Variants in PAK2 observed in about 807,000 individuals in gnomAD.
PAK2 encodes the protein p21 (RAC1) activated kinase 2.
A neutral mutation model predicts 65.9 loss-of-function variants in PAK2; 21 were observed. The ratio of observed to expected loss-of-function variants is 0.32; its 90% CI spans 0.23 to 0.46. PAK2 has a LOEUF of 0.46. Ranked by LOEUF, PAK2 falls within the 20% of genes least tolerant of loss-of-function variation. PAK2 has a pLI of 1.00. For synonymous variants in PAK2, 204 were observed against 219.7 expected, an observed-to-expected ratio of 0.93 and a Z score of 0.63; for missense variants, 324 against 642.6, an observed-to-expected ratio of 0.50 and a Z score of 5.36.
intron 2 of PAK2, among the ~76,000 whole-genome samples, chr3:196,786,953 T>A (rs1361233726): frequency 2.6e-5 from 4 of 152,034 alleles, no homozygotes; most frequent in Non-Finnish European, 4.4e-5. Context: ...GCCTTCCAAG[T>A]AGTTGGGACT....
At position 196,829,259 on chromosome 3, in the gene PAK2, A is replaced by G. The variant is rs1192125840; in HGVS notation, c.*854A>G. On this transcript the variant is annotated 3_prime_UTR_variant, in exon 15 of 15. Coordinates refer to ENST00000327134, the MANE Select transcript of PAK2 (RefSeq NM_002577.4). ...ACCAAAGTGATTTGTTGTTGTTCCA[A>G]CCTGGGCTTTGTGACTTTGGTTAGT... 3.3e-5 allele frequency: 5 copies of G among 152,580 alleles called. No individual in the cohort carries two copies. Among genetic ancestry groups the G allele is most frequent in the Non-Finnish European group, 5.9e-5 (4 of 68,024 alleles). The allele number at this position is 152,580 out of a possible 1,614,324, so 9.5% of individuals were successfully genotyped here.
chr3:196,759,189 G>T (rs1713861615), intron 1 of PAK2, among the ~76,000 whole-genome samples: 1 of 152,136 alleles, frequency 6.6e-6, no homozygotes, highest in South Asian at 2.1e-4. Flanking sequence ...CACCATTGAA[G>T]TAGTCCCATT....
intron 5 of PAK2, among the ~76,000 whole-genome samples, chr3:196,806,234 C>T (rs564821254): frequency 8.6e-4 from 131 of 152,190 alleles, no homozygotes; most frequent in Non-Finnish European, 1.5e-3. Context: ...TTTTAAATGT[C>T]ACCAGATGTC....
At chr3:196,775,445 C>G (rs193034133) in intron 1 of PAK2, among the ~76,000 whole-genome samples, 4 of 151,930 alleles carry the variant, frequency 2.6e-5, no homozygotes, top group African/African-American at 9.7e-5. Flanking sequence ...TGCAGTGGTA[C>G]GATCTCGGCT....
intron 1 of PAK2, among the ~76,000 whole-genome samples, chr3:196,765,903 C>CTT (rs746435799): frequency 1.7e-3 from 240 of 140,486 alleles, no homozygotes; most frequent in African/African-American, 5.5e-3. Flanking sequence ...TTAGTATCTT[C>CTT]TTTTTTTTTT....
intron 1 of PAK2, among the ~76,000 whole-genome samples, chr3:196,764,896 G>A (rs1419251463): frequency 1.4e-5 from 2 of 142,684 alleles, no homozygotes; most frequent in African/African-American, 5.2e-5. Flanking sequence ...AGGCTGGAGT[G>A]CAGTGGTGCG....
intron 1 of PAK2, among the ~76,000 whole-genome samples, chr3:196,780,370 G>A (rs1321501980): frequency 6.6e-6 from 1 of 152,252 alleles, no homozygotes; most frequent in Non-Finnish European, 1.5e-5. Flanking sequence ...GGCTGGGGAA[G>A]CCTCACAATC....
intron 1 of PAK2, among the ~76,000 whole-genome samples, chr3:196,746,304 G>T: frequency 6.6e-6 from 1 of 152,096 alleles, no homozygotes; most frequent in South Asian, 2.1e-4. Flanking sequence ...CAAAAAATAG[G>T]AATGGCTTCT....
chr3:196,772,234 C>T (rs529665703), intron 1 of PAK2, among the ~76,000 whole-genome samples: 31 of 152,156 alleles, frequency 2.0e-4, no homozygotes, highest in Admixed American at 1.2e-3. Context: ...GTGGGAGGGA[C>T]GCCTGTTAAT....
intron 2 of PAK2, among the ~76,000 whole-genome samples, chr3:196,784,732 G>GTA (rs1271389806): frequency 2.0e-5 from 3 of 150,110 alleles, no homozygotes; most frequent in African/African-American, 7.4e-5. Context: ...AGTCATTTGG[G>GTA]TATATACCCA....
At chr3:196,788,870 G>A (rs1714978996) in intron 2 of PAK2, among the ~76,000 whole-genome samples, 1 of 152,184 alleles carries the variant, frequency 6.6e-6, no homozygotes, top group Admixed American at 6.5e-5. Flanking sequence ...GAGAGGGAAG[G>A]ACAGAGAATT....
chr3:196,819,022 A>G (rs1711565054), intron 12 of PAK2, among the ~76,000 whole-genome samples: 2 of 152,240 alleles, frequency 1.3e-5, no homozygotes, highest in African/African-American at 4.8e-5. Context: ...TTCTGAACTT[A>G]CATACCGCAG....
At position 196,812,720 on chromosome 3, in the gene PAK2, A is replaced by T. The variant is rs773609663; in HGVS notation, c.823-19A>T. On this transcript the variant is annotated intron_variant, in intron 9 of 14. Transcript: ENST00000327134. The stretch of plus-strand genomic sequence containing the variant: ...AGAATTCCTAAACCTGGTTTTTTTC[A>T]ATCCTGTTTTCATTATAGGTTGCTA... 4 of 1,112,114 alleles carry T rather than the reference A, an allele frequency of 3.6e-6. No individual in the cohort carries two copies. Among genetic ancestry groups the T allele is most frequent in the Admixed American group, 3.9e-5 (2 of 51,064 alleles). The allele number at this position is 1,112,114 out of a possible 1,614,324, so 68.9% of individuals were successfully genotyped here. A position where few individuals can be genotyped will look rare whatever the true frequency, so the allele number is the denominator to read the frequency against.
intron 1 of PAK2, among the ~76,000 whole-genome samples, chr3:196,751,548 G>A (rs1713579595): frequency 6.7e-6 from 1 of 150,060 alleles, no homozygotes; most frequent in African/African-American, 2.5e-5. Context: ...TCGGGAGGCT[G>A]AGGCATGAGA....
At chr3:196,810,051 A>G (rs559386149) in intron 7 of PAK2, among the ~76,000 whole-genome samples, 1 of 152,116 alleles carries the variant, frequency 6.6e-6, no homozygotes, top group East Asian at 1.9e-4. Flanking sequence ...ATATTGAAAG[A>G]TGAAATGTAT....
At chr3:196,814,941 A>G (rs533405257) in intron 11 of PAK2, among the ~76,000 whole-genome samples, 14 of 152,236 alleles carry the variant, frequency 9.2e-5, no homozygotes, top group Non-Finnish European at 1.8e-4. Context: ...GCACTTTGGG[A>G]GGCCGAGGCG....
At chr3:196,752,448 A>ATTTCAAAAATC (rs1399816160) in intron 1 of PAK2, among the ~76,000 whole-genome samples, 2 of 152,202 alleles carry the variant, frequency 1.3e-5, no homozygotes, top group African/African-American at 2.4e-5. Context: ...ATATCTGAAG[A>ATTTCAAAAATC]TTATAAGATT....
intron 1 of PAK2, among the ~76,000 whole-genome samples, chr3:196,744,852 G>A (rs985812491): frequency 6.6e-5 from 10 of 151,804 alleles, no homozygotes; most frequent in Admixed American, 2.0e-4. Flanking sequence ...GAACTTATAC[G>A]TATGTCTTTG....
chr3:196,812,966 G>T, intron 10 of PAK2, 115 bp downstream of exon 10: 1 of 597,516 alleles, frequency 1.7e-6, no homozygotes. Flanking sequence ...GAAATAAGAT[G>T]GAAGAAAGAA....
Sources: gnomAD v4.1 joint callset for allele counts (sites outside exome capture counted in the v4.1 genomes callset) on GRCh38, gnomAD v4.1.1 for gene constraint, MANE v1.5 for transcripts, NCBI Gene and HGNC (gene_info 2026-07-23, HGNC 2026-07-21) for gene names.